CSMD1: variants seen among roughly 807,000 people sequenced by gnomAD.
The protein encoded by CSMD1 is CUB and sushi domain-containing protein 1.
In CSMD1, 213 loss-of-function variants were observed where a neutral mutation model predicts 417.5. That is an observed-to-expected ratio of 0.51 (90% CI 0.46 to 0.57). The LOEUF (loss-of-function observed/expected upper bound fraction) is 0.57. CSMD1 is among the 20% of genes least tolerant of loss of function. The pLI, the probability that CSMD1 is intolerant of heterozygous loss-of-function variation, is 0.00. For missense variants in CSMD1, 6,923 were observed against 4,529.7 expected, an observed-to-expected ratio of 1.53 and a Z score of -15.17; for synonymous variants, 2,862 against 1,736.8, an observed-to-expected ratio of 1.65 and a Z score of -16.11.
At chr8:4,165,205 G>C (rs973824670) in intron 3 of CSMD1, among the ~76,000 whole-genome samples, 13 of 152,064 alleles carry the variant, frequency 8.5e-5, no homozygotes, top group Non-Finnish European at 7.4e-5. Flanking sequence ...AACCCAAAGA[G>C]CTACACACCC....
intron 3 of CSMD1, among the ~76,000 whole-genome samples, chr8:4,112,760 G>A (rs1801924120): frequency 6.6e-6 from 1 of 152,182 alleles, no homozygotes; most frequent in East Asian, 1.9e-4. Context: ...ATCCTTAAAT[G>A]CTCCAGCTTA....
chr8:3,981,591 C>G (rs1813875285), intron 5 of CSMD1, among the ~76,000 whole-genome samples: 1 of 148,864 alleles, frequency 6.7e-6, no homozygotes, highest in Admixed American at 6.7e-5. Context: ...CATAATTTTT[C>G]CTTTAAATTG....
chr8:4,112,521 G>A (rs1054361704), intron 3 of CSMD1, among the ~76,000 whole-genome samples: 4 of 152,172 alleles, frequency 2.6e-5, no homozygotes, highest in African/African-American at 9.7e-5. Flanking sequence ...GTTTGGAAAA[G>A]ACATCCCAAA....
chr8:4,333,591 TTGC>T (rs1344759673), intron 3 of CSMD1, among the ~76,000 whole-genome samples: 11 of 152,310 alleles, frequency 7.2e-5, no homozygotes, highest in African/African-American at 2.2e-4. Context: ...ATTATTACTC[TTGC>T]TGTTGTTACT....
chr8:3,425,120 C>G (rs942864664), intron 12 of CSMD1, among the ~76,000 whole-genome samples: 1 of 152,132 alleles, frequency 6.6e-6, no homozygotes, highest in African/African-American at 2.4e-5. Flanking sequence ...CATGCTTGTC[C>G]TATTTTATCA....
At chr8:3,121,969 T>A (rs1817238122) in intron 41 of CSMD1, among the ~76,000 whole-genome samples, 1 of 152,182 alleles carries the variant, frequency 6.6e-6, no homozygotes, top group African/African-American at 2.4e-5. Flanking sequence ...TTATAGAGAA[T>A]TAGCTGTATT....
At chr8:3,430,288 T>G (rs79828170) in intron 12 of CSMD1, among the ~76,000 whole-genome samples, 2,400 of 152,248 alleles carry the variant, frequency 0.016, 63 homozygotes, top group African/African-American at 0.053. Flanking sequence ...CAGGTGACAT[T>G]TAATAACTGC....
At chr8:3,899,480 T>A (rs547074702) in intron 5 of CSMD1, among the ~76,000 whole-genome samples, 1 of 152,072 alleles carries the variant, frequency 6.6e-6, no homozygotes, top group East Asian at 1.9e-4. Context: ...CAGAGGTGGG[T>A]AGAAACTAGA....
At position 4,752,992 on chromosome 8, in the gene CSMD1, G is replaced by A. The variant is rs6994235; in HGVS notation, c.86-115434C>T. Among the ~76,000 whole-genome samples, 313 of 152,288 alleles carry A rather than the reference G, an allele frequency of 2.1e-3. 2 individuals are homozygous for A. Among genetic ancestry groups the A allele is most frequent in the African/African-American group, 7.2e-3 (299 of 41,540 alleles). On this transcript the variant is annotated intron_variant, in intron 1 of 69. Coordinates refer to ENST00000635120, the MANE Select transcript of CSMD1 (RefSeq NM_033225.6). ...TTACTTTAAAATACAATTATGGATG[G>A]TTTGGTATATAACGACAGTTATTAT... is the stretch of plus-strand genomic sequence containing the variant.
rs186085464 is a variant in CSMD1 at position 3,331,387 on chromosome 8, C to T, written c.3631+11907G>A. Among the ~76,000 whole-genome samples, 433 of 152,226 alleles carry T rather than the reference C, an allele frequency of 2.8e-3. 1 individual carries two copies. Among genetic ancestry groups the T allele is most frequent in the Non-Finnish European group, 4.8e-3 (325 of 68,028 alleles). On this transcript the variant is annotated intron_variant, in intron 23 of 69. Coordinates refer to ENST00000635120, the MANE Select transcript of CSMD1 (RefSeq NM_033225.6). Reference sequence around the variant, plus strand: ...AATTTCAGATGTTTGCTAACAGTGGCCATGAGTTGGTGGCCATTTTTATCT... The same window carrying T: ...AATTTCAGATGTTTGCTAACAGTGGTCATGAGTTGGTGGCCATTTTTATCT...
chr8:4,990,996 G>C (rs1811434857), intron 1 of CSMD1, among the ~76,000 whole-genome samples: 2 of 152,060 alleles, frequency 1.3e-5, no homozygotes, highest in Non-Finnish European at 1.5e-5. Flanking sequence ...TCTCTTTCGG[G>C]CTTCTCAAAA....
At position 4,198,654 on chromosome 8, in the gene CSMD1, C is replaced by T. The variant is rs922228107; in HGVS notation, c.416-166555G>A. On this transcript the variant is annotated intron_variant, in intron 3 of 69. Transcript: ENST00000635120. Reference sequence around the variant, plus strand: ...GGATAATGTCCCATTATCAACATAGCTTGCCTTTTCCAGATGGGGCTGGTA... The same window carrying T: ...GGATAATGTCCCATTATCAACATAGTTTGCCTTTTCCAGATGGGGCTGGTA... Among the ~76,000 whole-genome samples, 4 of 152,240 alleles carry T rather than the reference C, an allele frequency of 2.6e-5. No individual in the cohort carries two copies. The South Asian group carries it at 6.2e-4, about 24-fold the overall frequency.
intron 2 of CSMD1, among the ~76,000 whole-genome samples, chr8:4,485,656 C>T (rs188371999): frequency 6.6e-6 from 1 of 152,092 alleles, no homozygotes; most frequent in Admixed American, 6.6e-5. Flanking sequence ...TCGCAGAGCC[C>T]AGGTAAATGA....
intron 55 of CSMD1, 56 bp from the exon 56 acceptor site, chr8:2,974,680 T>C (rs1174207007): frequency 7.3e-6 from 10 of 1,363,692 alleles, no homozygotes; most frequent in South Asian, 2.9e-5. Context: ...CCACTTTGTA[T>C]TGGAAAATCT....
chr8:3,561,436 G>A (rs1166640364), intron 10 of CSMD1, among the ~76,000 whole-genome samples: 2 of 150,530 alleles, frequency 1.3e-5, no homozygotes. Flanking sequence ...TTTACACCAT[G>A]GATACCACAC....
intron 10 of CSMD1, among the ~76,000 whole-genome samples, chr8:3,512,486 A>T (rs891380846): frequency 1.3e-5 from 2 of 152,030 alleles, no homozygotes; most frequent in East Asian, 3.9e-4. Flanking sequence ...TGTAAGAGGC[A>T]CTGAAAGAAT....
chr8:4,901,945 A>G (rs1804897635), intron 1 of CSMD1, among the ~76,000 whole-genome samples: 1 of 152,202 alleles, frequency 6.6e-6, no homozygotes, highest in African/African-American at 2.4e-5. Context: ...ATTGATCTTC[A>G]CAACCAGAGG....
intron 12 of CSMD1, among the ~76,000 whole-genome samples, chr8:3,462,243 C>G (rs1267159780): frequency 1.3e-5 from 2 of 152,150 alleles, no homozygotes; most frequent in Admixed American, 6.5e-5. Flanking sequence ...TGGCACCAAG[C>G]CTGGCCCAAT....
At chr8:3,646,822 C>T (rs1468345227) in intron 7 of CSMD1, among the ~76,000 whole-genome samples, 1 of 152,114 alleles carries the variant, frequency 6.6e-6, no homozygotes, top group Non-Finnish European at 1.5e-5. Context: ...GCTTCCCCTG[C>T]CTCCTCCCAC....
Sources: allele counts gnomAD v4.1 joint callset (sites outside exome capture counted in the v4.1 genomes callset), GRCh38; gene constraint gnomAD v4.1.1; transcripts MANE v1.5; gene names NCBI Gene and HGNC (gene_info 2026-07-23, HGNC 2026-07-21).